Variants in PEX16 observed in about 807,000 individuals in gnomAD.
PEX16 encodes the protein peroxin 16.
PEX16 carries 37 observed loss-of-function variants against 50.5 expected under a neutral mutation model. The ratio of observed to expected loss-of-function variants is 0.73; its 90% CI spans 0.56 to 0.96. PEX16 has a LOEUF of 0.96. Ranked by LOEUF, PEX16 falls within the 40% of genes least tolerant of loss-of-function variation. PEX16 has a pLI of 0.00. For missense variants in PEX16, 401 were observed against 438.3 expected, an observed-to-expected ratio of 0.91 and a Z score of 0.76; for synonymous variants, 185 against 190.3, an observed-to-expected ratio of 0.97 and a Z score of 0.23.
chr11:45,914,271 C>T (rs1239779548), intron 7 of PEX16, 45 bp downstream of exon 7: 2 of 1,613,674 alleles, frequency 1.2e-6, no homozygotes, highest in East Asian at 2.2e-5. Context: ...CCACTCAATC[C>T]CCAGCCCACA....
In PEX16 at chr11:45,917,847, G is replaced by C. The variant is rs1257293830; in HGVS notation, c.-36C>G. ...GCACCGACAGACCCACAGAAGGACC[G>C]TACGACAGGCTGCGGCGCCCTGCTT... On this transcript the variant is annotated 5_prime_UTR_variant, in exon 1 of 11. Transcript: ENST00000378750. 4 of 1,429,324 alleles carry C rather than the reference G, an allele frequency of 2.8e-6. No homozygotes were observed. The highest frequency in any genetic ancestry group is 1.2e-5 in the South Asian group (1 of 81,872). 88.5% of individuals were successfully genotyped at this position (1,429,324 alleles called of 1,614,324 possible). A position where few individuals can be genotyped will look rare whatever the true frequency, so the allele number is the denominator to read the frequency against.
rs749654004 is a variant in PEX16 at position 45,909,853 on chromosome 11, C to A, written c.*401G>T. 5.2e-6 allele frequency: 3 copies of A among 573,038 alleles called. No individual in the cohort carries two copies. The highest frequency in any genetic ancestry group is 9.4e-6 in the Non-Finnish European group (3 of 318,566). The allele number at this position is 573,038 out of a possible 1,614,324, so 35.5% of individuals were successfully genotyped here. A position where few individuals can be genotyped will look rare whatever the true frequency, so the allele number is the denominator to read the frequency against. ...GACGGAGGGCCCCAGCCAGAAGACACGCTGGGCAGCGTTCAGCCATCACCC... is the reference window on the plus strand; with the variant it reads ...GACGGAGGGCCCCAGCCAGAAGACAAGCTGGGCAGCGTTCAGCCATCACCC... On this transcript the variant is annotated 3_prime_UTR_variant, in exon 11 of 11. Transcript: ENST00000378750.
In PEX16 at chr11:45,917,866, CCTG is replaced by C; in HGVS notation, c.-58_-56del. The C allele has an allele frequency of 8.0e-7, 1 of 1,254,070 alleles. No homozygotes were observed. The allele number at this position is 1,254,070 out of a possible 1,614,324, so 77.7% of individuals were successfully genotyped here. A position where few individuals can be genotyped will look rare whatever the true frequency, so the allele number is the denominator to read the frequency against. ...AGGACCGTACGACAGGCTGCGGCGC[CCTG>C]CTTCCTGCGCCCTCCTTCCTGCTTC... On this transcript the variant is annotated 5_prime_UTR_variant, in exon 1 of 11. Coordinates refer to ENST00000378750, the MANE Select transcript of PEX16 (RefSeq NM_004813.4).
Position 45,909,969 on chromosome 11 carries a change from C to T in PEX16, c.*285G>A. The T allele has an allele frequency of 1.1e-6, 1 of 913,358 alleles. No individual in the cohort carries two copies. The highest frequency in any genetic ancestry group is 1.8e-6 in the Non-Finnish European group (1 of 563,562). 56.6% of individuals were successfully genotyped at this position (913,358 alleles called of 1,614,324 possible). ...CCGAGGCGAGCAGCTTCCCGGGCTC[C>T]ATGAGGTGAAGTCACCGCTTTCTGT... On this transcript the variant is annotated 3_prime_UTR_variant, in exon 11 of 11. Coordinates refer to ENST00000378750, the MANE Select transcript of PEX16 (RefSeq NM_004813.4).
chr11:45,910,062 C>A lies in PEX16; in HGVS notation c.*192G>T. The stretch of plus-strand genomic sequence containing the variant: ...CCCAGCAGTGACAAGGTGCGGGCTG[C>A]AGTGGCATCGTCACAGGAGAGCGCA... On this transcript the variant is annotated 3_prime_UTR_variant, in exon 11 of 11. Coordinates refer to ENST00000378750, the MANE Select transcript of PEX16 (RefSeq NM_004813.4). 6.3e-7 allele frequency: 1 copy of A among 1,586,058 alleles called. No homozygotes were observed. Among genetic ancestry groups the A allele is most frequent in the East Asian group, 2.2e-5 (1 of 44,732 alleles).
intron 9 of PEX16, among the ~76,000 whole-genome samples, chr11:45,912,273 C>T (rs376023272): frequency 3.6e-4 from 54 of 151,968 alleles, no homozygotes; most frequent in African/African-American, 1.1e-3. Flanking sequence ...CCGAGGCAGG[C>T]GGATCACGAG....
chr11:45,917,670 GA>G, intron 1 of PEX16, 29 bp downstream of exon 1: 2 of 1,525,552 alleles, frequency 1.3e-6, no homozygotes, highest in Non-Finnish European at 1.8e-6. Flanking sequence ...TCAGGGCCCA[GA>G]AGGAACTGAT....
chr11:45,910,880 G>A lies in PEX16; in HGVS notation c.952+18C>T, dbSNP rs112068553. 1,522 of 1,611,186 alleles carry A rather than the reference G, an allele frequency of 9.4e-4. 8 individuals carry two copies. The African/African-American group carries it at 0.017, about 18-fold the overall frequency. On this transcript the variant is annotated intron_variant, in intron 10 of 10. Transcript: ENST00000378750. ...CGCCTTCCAGCACTACAGTCATCGC[G>A]TCCCCATCCCTGCTTACTTGTGACC...
At position 45,915,771 on chromosome 11, in the gene PEX16, C is replaced by T; in HGVS notation, c.291G>A (p.Glu97=). 1 of 1,614,042 alleles carries T rather than the reference C, an allele frequency of 6.2e-7. No individual in the cohort carries two copies. Among genetic ancestry groups the T allele is most frequent in the Non-Finnish European group, 8.5e-7 (1 of 1,179,992 alleles). The change falls in exon 4 of 11, where the codon GAG becomes GAA. Residue 97 remains glutamate, a synonymous_variant. Transcript: ENST00000378750. The stretch of plus-strand genomic sequence containing the variant: ...CACCCCACACCTTGGCAGCTCCCAT[C>T]TCCATGAACACCTCCACGCACTCCA... ...SVLECVEVFM[E]MGAAKVWGEV...
chr11:45,917,193 G>A (rs1215723001), intron 2 of PEX16: 2 of 695,904 alleles, frequency 2.9e-6, no homozygotes, highest in Non-Finnish European at 5.2e-6. Context: ...CTGTAGGGAG[G>A]ATTAACAAGT....
At chr11:45,915,596 G>T in intron 4 of PEX16, 28 bp from the exon 5 acceptor site, 1 of 1,613,156 alleles carries the variant, frequency 6.2e-7, no homozygotes, top group South Asian at 1.1e-5. Context: ...TCAGGGTTGT[G>T]GGGAGGTGGC....
chr11:45,915,577 G>A lies in PEX16; in HGVS notation c.360-9C>T, dbSNP rs1316866259. 5.0e-6 allele frequency: 8 copies of A among 1,613,930 alleles called. No homozygotes were observed. The highest frequency in any genetic ancestry group is 6.8e-6 in the Non-Finnish European group (8 of 1,179,838). ...GCATCCGCAGTACAGCCCTGGGTCG[G>A]GGAGTATGTCAGGGTTGTGGGGAGG... is the stretch of plus-strand genomic sequence containing the variant. On this transcript the variant is annotated splice_polypyrimidine_tract_variant and intron_variant, in intron 4 of 10. Transcript: ENST00000378750.
chr11:45,915,483 G>A lies in PEX16; in HGVS notation c.445C>T (p.Gln149Ter). The part of the protein sequence containing the change: ...PPIVPLDRET[Q>*]AQPPDGDHSP... ...AGTAGCTCACCCGGGGGCTGTGCCT[G>A]GGTCTCTCTGTCCAGTGGAACGATA... is the stretch of plus-strand genomic sequence containing the variant. Residue 149 changes from glutamine to a stop codon, truncating the protein, a stop_gained, in exon 5 of 11, where the codon CAG (glutamine) becomes TAG (stop). Transcript: ENST00000378750. LOFTEE classifies it high-confidence loss of function. The A allele has an allele frequency of 6.2e-7, 1 of 1,613,998 alleles. No homozygotes were observed. The highest frequency in any genetic ancestry group is 1.1e-5 in the South Asian group (1 of 91,072).
chr11:45,909,849 G>A lies in PEX16; in HGVS notation c.*405C>T, dbSNP rs893224018. 5 of 571,340 alleles carry A rather than the reference G, an allele frequency of 8.8e-6. No individual in the cohort carries two copies. Among genetic ancestry groups the A allele is most frequent in the Admixed American group, 6.0e-5 (2 of 33,420 alleles). The allele number at this position is 571,340 out of a possible 1,614,324, so 35.4% of individuals were successfully genotyped here. A position where few individuals can be genotyped will look rare whatever the true frequency, so the allele number is the denominator to read the frequency against. ...GGCAGACGGAGGGCCCCAGCCAGAAGACACGCTGGGCAGCGTTCAGCCATC... is the reference window on the plus strand; with the variant it reads ...GGCAGACGGAGGGCCCCAGCCAGAAAACACGCTGGGCAGCGTTCAGCCATC... On this transcript the variant is annotated 3_prime_UTR_variant, in exon 11 of 11. Coordinates refer to ENST00000378750, the MANE Select transcript of PEX16 (RefSeq NM_004813.4).
At chr11:45,911,042 A>G in intron 9 of PEX16, 80 bp from the exon 10 acceptor site, 1 of 960,848 alleles carries the variant, frequency 1.0e-6, no homozygotes. Context: ...AGAGGCCTTC[A>G]CTGACCACCG....
chr11:45,915,087 G>A (rs1232432180), intron 5 of PEX16, among the ~76,000 whole-genome samples: 1 of 152,248 alleles, frequency 6.6e-6, no homozygotes, highest in African/African-American at 2.4e-5. Flanking sequence ...TCCAGAGAGT[G>A]AGGCCCAGAA....
At position 45,910,151 on chromosome 11, in the gene PEX16, G is replaced by A; in HGVS notation, c.*103C>T. The A allele has an allele frequency of 1.2e-6, 2 of 1,611,954 alleles. No homozygotes were observed. The highest frequency in any genetic ancestry group is 1.7e-6 in the Non-Finnish European group (2 of 1,179,934). On this transcript the variant is annotated 3_prime_UTR_variant, in exon 11 of 11. Transcript: ENST00000378750. The stretch of plus-strand genomic sequence containing the variant: ...GGCTGTGTGTGGGGCCTGGCCGGTA[G>A]GCACGGAGAGGCCGCACGCTGGGAC...
chr11:45,914,699 C>T lies in PEX16; in HGVS notation c.461-15G>A, dbSNP rs1307610398. ...GTGGTCACCATCTAGCAGGGATAGA[C>T]AGAAGGCCATACAGTCAGAGGGACA... On this transcript the variant is annotated splice_polypyrimidine_tract_variant and intron_variant, in intron 5 of 10. Coordinates refer to ENST00000378750, the MANE Select transcript of PEX16 (RefSeq NM_004813.4). 3.1e-6 allele frequency: 5 copies of T among 1,609,584 alleles called. 1 individual carries two copies. The highest frequency in any genetic ancestry group is 1.7e-5 in the Admixed American group (1 of 60,008).
In PEX16 at chr11:45,915,868, G is replaced by A. The variant is rs371653686; in HGVS notation, c.226-32C>T. 1.3e-5 allele frequency: 21 copies of A among 1,610,336 alleles called. No individual in the cohort carries two copies. The African/African-American group carries it at 1.7e-4, about 13-fold the overall frequency. On this transcript the variant is annotated intron_variant, in intron 3 of 10. Coordinates refer to ENST00000378750, the MANE Select transcript of PEX16 (RefSeq NM_004813.4). ...GAACCCCAGGCCAAGAAGTCAGGGG[G>A]CCTGGGACTACAGGGAGTCCCAGGC...
Sources: gnomAD v4.1 joint callset for allele counts (sites outside exome capture counted in the v4.1 genomes callset) on GRCh38, gnomAD v4.1.1 for gene constraint, MANE v1.5 for transcripts, NCBI Gene and HGNC (gene_info 2026-07-23, HGNC 2026-07-21) for gene names.